The following MEGF6 variants were observed in gnomAD, a reference collection of about 807,000 sequenced individuals.
The protein encoded by MEGF6 is multiple epidermal growth factor-like domains protein 6.
A neutral mutation model predicts 207.1 loss-of-function variants in MEGF6; 184 were observed. That is an observed-to-expected ratio of 0.89 (90% CI 0.79 to 1.00). The LOEUF (loss-of-function observed/expected upper bound fraction) is 1.00. Ranked by LOEUF, MEGF6 falls within the 50% of genes least tolerant of loss-of-function variation. MEGF6 has a pLI of 0.00. For synonymous variants in MEGF6, 1,038 were observed against 910.0 expected (o/e 1.14, Z -2.53); for missense variants, 2,282 against 2,202.9 (o/e 1.04, Z -0.72).
chr1:3,621,531 A>G, the MEGF6 span, among the ~76,000 whole-genome samples: 1 of 152,270 alleles, frequency 6.6e-6, no homozygotes, highest in African/African-American at 2.4e-5. Flanking sequence ...ACATATAATC[A>G]TATCTATGAT....
intron 17 of MEGF6, among the ~76,000 whole-genome samples, chr1:3,503,960 A>T (rs1362600065): frequency 1.3e-5 from 2 of 152,256 alleles, no homozygotes; most frequent in African/African-American, 4.8e-5. Flanking sequence ...TTAGTGGCTG[A>T]GGCCAGGGTG....
At chr1:3,491,308 C>T (rs972624455) in intron 35 of MEGF6, among the ~76,000 whole-genome samples, 1 of 152,186 alleles carries the variant, frequency 6.6e-6, no homozygotes, top group Admixed American at 6.5e-5. Flanking sequence ...CTCCTGAGGC[C>T]TCCAGCTCAA....
intron 4 of MEGF6, chr1:3,531,200 C>A: frequency 6.6e-7 from 1 of 1,510,686 alleles, no homozygotes; most frequent in Admixed American, 2.2e-5. Flanking sequence ...CCCAGGAGCC[C>A]AAGGCACCAG....
At chr1:3,526,990 G>A (rs190006886) in intron 4 of MEGF6, among the ~76,000 whole-genome samples, 1 of 152,322 alleles carries the variant, frequency 6.6e-6, no homozygotes, top group East Asian at 1.9e-4. Context: ...GATTTCAAAA[G>A]ACAAGTCCTC....
intron 5 of MEGF6, among the ~76,000 whole-genome samples, chr1:3,517,187 C>A (rs1641574300): frequency 5.9e-5 from 9 of 152,346 alleles, no homozygotes. Context: ...CAGGGCCAGG[C>A]AGGCACAGGG....
chr1:3,545,921 C>T (rs1642688115), intron 4 of MEGF6, among the ~76,000 whole-genome samples: 1 of 152,218 alleles, frequency 6.6e-6, no homozygotes, highest in African/African-American at 2.4e-5. Context: ...CTCCCCTGAC[C>T]CCAAGTCCAG....
intron 4 of MEGF6, among the ~76,000 whole-genome samples, chr1:3,530,323 G>A (rs1468972783): frequency 1.3e-5 from 2 of 152,194 alleles, no homozygotes; most frequent in South Asian, 2.1e-4. Context: ...GAGGGGTGAC[G>A]TCTCTAAGGA....
At chr1:3,599,576 C>T (rs914190255) in intron 2 of MEGF6, among the ~76,000 whole-genome samples, 1 of 152,258 alleles carries the variant, frequency 6.6e-6, no homozygotes, top group Non-Finnish European at 1.5e-5. Context: ...ATGTGGCACC[C>T]TTCAGGCCTG....
rs749817807 is a variant in MEGF6 at position 3,505,164 on chromosome 1, C to A, written c.2188+44G>T. The A allele has an allele frequency of 3.7e-6, 6 of 1,601,622 alleles. No individual in the cohort carries two copies. In the South Asian group the frequency reaches 4.5e-5, roughly 12 times the overall value. On this transcript the variant is annotated intron_variant, in intron 17 of 36. Transcript: ENST00000356575. ...CCTCCAGCCAGGCAGGCAGCCTACACCCCACAATGAGACTGCCGGGAGCCC... is the reference window on the plus strand; with the variant it reads ...CCTCCAGCCAGGCAGGCAGCCTACAACCCACAATGAGACTGCCGGGAGCCC...
At chr1:3,569,431 C>T (rs1643436950) in intron 4 of MEGF6, among the ~76,000 whole-genome samples, 2 of 152,272 alleles carry the variant, frequency 1.3e-5, no homozygotes, top group Admixed American at 1.3e-4. Flanking sequence ...GGAACAGGCA[C>T]AGCCCCACAC....
At chr1:3,592,910 G>A (rs930669444) in intron 3 of MEGF6, among the ~76,000 whole-genome samples, 5 of 152,234 alleles carry the variant, frequency 3.3e-5, no homozygotes, top group African/African-American at 7.2e-5. Context: ...CCCCACCGAC[G>A]TGACAACCAG....
At chr1:3,610,473 C>CCCTCCTCCTCCTCCTCCT (rs879724888) in intron 1 of MEGF6, among the ~76,000 whole-genome samples, 1 of 146,338 alleles carries the variant, frequency 6.8e-6, no homozygotes, top group Admixed American at 6.9e-5. Context: ...CCAGCGACTC[C>CCCTCCTCCTCCTCCTCCT]CCTCCTCCTC....
chr1:3,520,300 G>C (rs1457385714), intron 5 of MEGF6, among the ~76,000 whole-genome samples: 3 of 152,242 alleles, frequency 2.0e-5, no homozygotes, highest in Non-Finnish European at 4.4e-5. Flanking sequence ...CAGGTACACA[G>C]AGGCGGAGGC....
At chr1:3,550,957 G>A (rs113140657) in intron 4 of MEGF6, among the ~76,000 whole-genome samples, 1 of 152,252 alleles carries the variant, frequency 6.6e-6, no homozygotes, top group Non-Finnish European at 1.5e-5. Flanking sequence ...CAGGATCCGA[G>A]GCTCCAGCCG....
Position 3,524,160 on chromosome 1 carries a change from C to T in MEGF6, c.568G>A (p.Gly190Ser), listed in dbSNP as rs759324844. ...CTGCTGTCAGTGTGGAGCCGGAAGC[C>T]GGGCTTGCACTCACAGAGGTAGGAG... Reference protein sequence around the residue: ...PGSYLCECKPGFRLHTDSRTC... With the variant: ...PGSYLCECKPSFRLHTDSRTC... Residue 190 changes from glycine to serine, a missense_variant, in exon 5 of 37, where the codon GGC becomes AGC. Gly to Ser is a moderately conservative substitution (Grantham distance 56). Coordinates refer to ENST00000356575, the MANE Select transcript of MEGF6 (RefSeq NM_001409.4). The T allele has an allele frequency of 1.2e-5, 20 of 1,612,666 alleles. No individual in the cohort carries two copies. Among genetic ancestry groups the T allele is most frequent in the Admixed American group, 5.0e-5 (3 of 60,004 alleles).
intron 5 of MEGF6, among the ~76,000 whole-genome samples, chr1:3,520,720 T>C (rs1007099576): frequency 9.9e-5 from 15 of 152,154 alleles, no homozygotes; most frequent in African/African-American, 3.6e-4. Flanking sequence ...TTCTTGTAGA[T>C]TCTCGCTTTT....
chr1:3,613,036 AAAC>A (rs919271239), upstream of MEGF6, among the ~76,000 whole-genome samples: 3 of 152,274 alleles, frequency 2.0e-5, no homozygotes, highest in South Asian at 4.1e-4. Context: ...TGCTGCTTAT[AAAC>A]AACAACAACA....
rs533927938 is a variant in MEGF6, at chr1:3,514,020, G to A, written c.853+530C>T. 2.8e-4 allele frequency among the ~76,000 whole-genome samples: 43 copies of A among 152,120 alleles called. 1 individual carries two copies. In the South Asian group the frequency reaches 8.3e-3, roughly 29 times the overall value. On this transcript the variant is annotated intron_variant, in intron 7 of 36. Coordinates refer to ENST00000356575, the MANE Select transcript of MEGF6 (RefSeq NM_001409.4). Reference sequence around the variant, plus strand: ...TCCCAGCACTTTGGGAGGCCGAGGCGGGCGGATCACAAGGTCAGGAGATTG... The same window carrying A: ...TCCCAGCACTTTGGGAGGCCGAGGCAGGCGGATCACAAGGTCAGGAGATTG...
chr1:3,598,759 C>T (rs1644113421), intron 2 of MEGF6, among the ~76,000 whole-genome samples: 1 of 151,672 alleles, frequency 6.6e-6, no homozygotes, highest in African/African-American at 2.4e-5. Flanking sequence ...CTTCTGCAGC[C>T]ACCAGCTCAC....
Sources: gnomAD v4.1 joint callset for allele counts (sites outside exome capture counted in the v4.1 genomes callset) on GRCh38, gnomAD v4.1.1 for gene constraint, MANE v1.5 for transcripts, NCBI Gene and HGNC (gene_info 2026-07-23, HGNC 2026-07-21) for gene names.